SPDYA: variants seen among roughly 807,000 people sequenced by gnomAD.
SPDYA encodes the protein speedy/RINGO cell cycle regulator family member A.
Under a neutral mutation model 36.7 loss-of-function variants are expected in SPDYA, and 11 were observed. The observed-to-expected ratio is 0.30, with a 90% CI of 0.19 to 0.50. The LOEUF (loss-of-function observed/expected upper bound fraction) is 0.50, where lower values mean the gene tolerates loss of function less well. Ranked by LOEUF, SPDYA falls within the 20% of genes least tolerant of loss-of-function variation. The pLI, the probability that SPDYA is intolerant of heterozygous loss-of-function variation, is 0.98. For missense variants in SPDYA, 287 were observed against 370.9 expected, an observed-to-expected ratio of 0.77 and a Z score of 1.86; for synonymous variants, 115 against 118.7, an observed-to-expected ratio of 0.97 and a Z score of 0.20.
intron 5 of SPDYA, 48 bp from the exon 6 acceptor site, chr2:28,829,100 T>G (rs1668409599): frequency 4.5e-6 from 7 of 1,555,380 alleles, no homozygotes; most frequent in Non-Finnish European, 4.4e-6. Flanking sequence ...AACTACCTGT[T>G]TCTGTCCTTT....
At chr2:28,844,405 T>C (rs1176477989) in intron 7 of SPDYA, among the ~76,000 whole-genome samples, 6 of 152,208 alleles carry the variant, frequency 3.9e-5, no homozygotes, top group Non-Finnish European at 7.3e-5. Context: ...ATGGTTGCTA[T>C]ACACATTCAG....
In SPDYA at chr2:28,849,965, G is replaced by T; in HGVS notation, c.*24G>T. 4 of 1,517,462 alleles carry T rather than the reference G, an allele frequency of 2.6e-6. No homozygotes were observed. Among genetic ancestry groups the T allele is most frequent in the Non-Finnish European group, 3.6e-6 (4 of 1,110,684 alleles). The allele number at this position is 1,517,462 out of a possible 1,614,324, so 94.0% of individuals were successfully genotyped here. On this transcript the variant is annotated 3_prime_UTR_variant, in exon 8 of 8. Coordinates refer to ENST00000334056, the MANE Select transcript of SPDYA (RefSeq NM_182756.4). ...GAGATGGCCCAACTAAACCAATTTG[G>T]AATCATTAACTACAAAATGTCAAAC... is the stretch of plus-strand genomic sequence containing the variant.
intron 7 of SPDYA, 122 bp from the exon 8 acceptor site, chr2:28,849,728 C>T: frequency 5.2e-6 from 3 of 572,338 alleles, no homozygotes; most frequent in South Asian, 2.7e-5. Flanking sequence ...TAAGTTTCCC[C>T]CCATTATTTA....
chr2:28,812,677 C>T (rs375932246), intron 1 of SPDYA, among the ~76,000 whole-genome samples: 6 of 151,670 alleles, frequency 4.0e-5, no homozygotes, highest in South Asian at 2.1e-4. Context: ...GCCAACATGG[C>T]GAAACCCCAT....
chr2:28,840,634 T>C, intron 7 of SPDYA, 165 bp downstream of exon 7: 1 of 1,395,078 alleles, frequency 7.2e-7, no homozygotes, highest in South Asian at 1.7e-5. Flanking sequence ...CTTGTGTCCA[T>C]ATTTGTTTTG....
chr2:28,817,342 A>G (rs1415547237), intron 3 of SPDYA, among the ~76,000 whole-genome samples: 4 of 152,128 alleles, frequency 2.6e-5, no homozygotes, highest in Non-Finnish European at 4.4e-5. Context: ...CAGGCAGATC[A>G]GCTGAGGTCA....
At chr2:28,821,197 C>CTTTTTTTTTTTTTTTTT (rs11464702) in intron 4 of SPDYA, among the ~76,000 whole-genome samples, 2 of 98,832 alleles carry the variant, frequency 2.0e-5, no homozygotes, top group Non-Finnish European at 1.9e-5. Context: ...TTTTCTTTTT[C>CTTTTTTTTTTTTTTTTT]TTTTTTTTTT....
At chr2:28,845,249 CTT>C (rs372229883) in intron 7 of SPDYA, among the ~76,000 whole-genome samples, 172 of 132,570 alleles carry the variant, frequency 1.3e-3, no homozygotes, top group Middle Eastern at 4.1e-3. Context: ...CCATGCCCAG[CTT>C]TTTTTTTTTT....
chr2:28,819,252 T>C, intron 4 of SPDYA, 146 bp downstream of exon 4: 1 of 551,532 alleles, frequency 1.8e-6, no homozygotes, highest in East Asian at 3.4e-5. Flanking sequence ...CTCACACCTG[T>C]AATCCCAAAA....
At chr2:28,836,877 T>C (rs1037285795) in intron 6 of SPDYA, among the ~76,000 whole-genome samples, 7 of 152,236 alleles carry the variant, frequency 4.6e-5, no homozygotes. Context: ...GCTTAATTTC[T>C]AAACTGGTTC....
intron 5 of SPDYA, among the ~76,000 whole-genome samples, chr2:28,826,949 C>CT (rs1309143694): frequency 0.038 from 4,314 of 113,792 alleles, 287 homozygotes; most frequent in African/African-American, 0.12. Flanking sequence ...TCTTTTCTTT[C>CT]TTTTTTTTTT....
Position 28,814,733 on chromosome 2 carries a change from T to G in SPDYA, c.-19+47T>G, listed in dbSNP as rs531660469. ...TGAGGTTGCATTCAGAGGTTCTCAGTAGGGTCCTAGAGTAGTTTCCTGTGT... is the reference window on the plus strand; with the variant it reads ...TGAGGTTGCATTCAGAGGTTCTCAGGAGGGTCCTAGAGTAGTTTCCTGTGT... On this transcript the variant is annotated intron_variant, in intron 2 of 7. Coordinates refer to ENST00000334056, the MANE Select transcript of SPDYA (RefSeq NM_182756.4). 3 of 152,312 alleles carry G rather than the reference T, an allele frequency of 2.0e-5. No individual in the cohort carries two copies. In the East Asian group the frequency reaches 5.8e-4, roughly 29 times the overall value. 9.4% of individuals were successfully genotyped at this position (152,312 alleles called of 1,614,324 possible).
intron 6 of SPDYA, among the ~76,000 whole-genome samples, chr2:28,831,956 C>G (rs1668488802): frequency 6.6e-6 from 1 of 152,190 alleles, no homozygotes; most frequent in Non-Finnish European, 1.5e-5. Context: ...TGTCCCCTTT[C>G]CAGCATTTCA....
chr2:28,841,911 A>C (rs1668759951), intron 7 of SPDYA: 1 of 151,966 alleles, frequency 6.6e-6, no homozygotes, highest in African/African-American at 2.4e-5. Context: ...AGCTTCCTTT[A>C]CTCTTTGATC....
rs1553314774 is a variant in SPDYA, at chr2:28,821,178, A to ATTTTC, written c.295-1143_295-1142insCTTTT. On this transcript the variant is annotated intron_variant, in intron 4 of 7. Coordinates refer to ENST00000334056, the MANE Select transcript of SPDYA (RefSeq NM_182756.4). ...ACAATTCATGTGGAGTTATGATGTG[A>ATTTTC]TTTTTTTTTTTTCTTTTTCTTTTTT... 4.4e-3 allele frequency among the ~76,000 whole-genome samples: 572 copies of ATTTTC among 130,338 alleles called. 4 individuals carry two copies. Among genetic ancestry groups the ATTTTC allele is most frequent in the African/African-American group, 0.016 (544 of 34,906 alleles). 85.5% of individuals were successfully genotyped at this position (130,338 alleles called of 152,430 possible). A position where few individuals can be genotyped will look rare whatever the true frequency, so the allele number is the denominator to read the frequency against.
At chr2:28,815,850 T>G (rs1667970440) in intron 2 of SPDYA, 147 bp from the exon 3 acceptor site, 1 of 551,568 alleles carries the variant, frequency 1.8e-6, no homozygotes, top group Admixed American at 3.7e-5. Context: ...CAAAAGCAAT[T>G]TTTAATGGGA....
chr2:28,844,363 G>C (rs1668820034), intron 7 of SPDYA, among the ~76,000 whole-genome samples: 2 of 152,324 alleles, frequency 1.3e-5, no homozygotes, highest in East Asian at 3.9e-4. Context: ...GCAGACAGAA[G>C]TTTGAAAATA....
chr2:28,823,490 G>T (rs1193406323), intron 5 of SPDYA, among the ~76,000 whole-genome samples: 2 of 150,726 alleles, frequency 1.3e-5, no homozygotes, highest in African/African-American at 4.9e-5. Flanking sequence ...TGGGCGTGGT[G>T]GTGGGCACCT....
At chr2:28,832,455 C>T (rs1668501093) in intron 6 of SPDYA, among the ~76,000 whole-genome samples, 1 of 152,038 alleles carries the variant, frequency 6.6e-6, no homozygotes, top group South Asian at 2.1e-4. Flanking sequence ...ATTAGGTGAC[C>T]CCATTCACTC....
Sources: allele counts gnomAD v4.1 joint callset (sites outside exome capture counted in the v4.1 genomes callset), GRCh38; gene constraint gnomAD v4.1.1; transcripts MANE v1.5; gene names NCBI Gene and HGNC (gene_info 2026-07-23, HGNC 2026-07-21).